Variants in NDRG4 observed in about 807,000 individuals in gnomAD.
NDRG4 encodes protein NDRG4.
NDRG4 carries 38 observed loss-of-function variants against 55.8 expected under a neutral mutation model. That is an observed-to-expected ratio of 0.68 (90% CI 0.53 to 0.89). NDRG4 has a LOEUF of 0.89. Ranked by LOEUF, NDRG4 falls within the 40% of genes least tolerant of loss-of-function variation. The pLI is 0.00. For synonymous variants in NDRG4, 190 were observed against 182.7 expected, an observed-to-expected ratio of 1.04 and a Z score of -0.32; for missense variants, 455 against 468.6, an observed-to-expected ratio of 0.97 and a Z score of 0.27.
At chr16:58,479,030 A>G (rs969484916) in intron 1 of NDRG4, among the ~76,000 whole-genome samples, 2 of 151,688 alleles carry the variant, frequency 1.3e-5, no homozygotes, top group African/African-American at 4.8e-5. Flanking sequence ...CATAAATGAG[A>G]TTATTATTAT....
chr16:58,494,827 G>A (rs774001749), intron 2 of NDRG4: 7 of 566,960 alleles, frequency 1.2e-5, no homozygotes, highest in Non-Finnish European at 2.0e-5. Context: ...GTGAGACCCT[G>A]TCTCTAAAAA....
chr16:58,469,326 GT>G (rs1351225644), intron 1 of NDRG4, among the ~76,000 whole-genome samples: 2 of 151,922 alleles, frequency 1.3e-5, no homozygotes, highest in Non-Finnish European at 2.9e-5. Flanking sequence ...GTAAGGAAGC[GT>G]GGTCCCTTGG....
At chr16:58,471,437 C>G (rs2032807387) in intron 1 of NDRG4, among the ~76,000 whole-genome samples, 1 of 152,008 alleles carries the variant, frequency 6.6e-6, no homozygotes, top group Non-Finnish European at 1.5e-5. Context: ...GCTGTGTGAC[C>G]TTGAACTGAG....
intron 1 of NDRG4, 173 bp from the exon 2 acceptor site, chr16:58,503,625 G>C: frequency 7.8e-7 from 1 of 1,286,786 alleles, no homozygotes; most frequent in Non-Finnish European, 1.1e-6. Flanking sequence ...CCTGAGAAGG[G>C]GTGTTCCATC....
chr16:58,514,896 A>T (rs988247620), downstream of NDRG4, among the ~76,000 whole-genome samples: 8 of 151,964 alleles, frequency 5.3e-5, no homozygotes, highest in Non-Finnish European at 1.2e-4. Context: ...TTTAACCACC[A>T]TTTGTTTTAT....
At chr16:58,507,914 C>T in intron 9 of NDRG4, 34 bp from the exon 10 acceptor site, 8 of 1,613,648 alleles carry the variant, frequency 5.0e-6, no homozygotes, top group Non-Finnish European at 6.8e-6. Context: ...CCCCCATGAC[C>T]CAGCCAGACA....
At chr16:58,487,651 AGT>A in intron 1 of NDRG4, 1 of 821,550 alleles carries the variant, frequency 1.2e-6, no homozygotes, top group Non-Finnish European at 1.8e-6. Flanking sequence ...CCAGGGGGAC[AGT>A]GCATCTGGTT....
At chr16:58,483,489 C>T (rs138822671) in intron 1 of NDRG4, among the ~76,000 whole-genome samples, 1 of 152,260 alleles carries the variant, frequency 6.6e-6, no homozygotes, top group African/African-American at 2.4e-5. Flanking sequence ...AGCCCATTTC[C>T]ACACTCCCCG....
At chr16:58,497,375 C>T (rs1335823682), upstream of NDRG4, among the ~76,000 whole-genome samples, 1 of 152,118 alleles carries the variant, frequency 6.6e-6, no homozygotes, top group East Asian at 1.9e-4. Context: ...GGGTAAAGCA[C>T]TCCAAGAAAG....
At chr16:58,503,194 T>A (rs767504642) in intron 1 of NDRG4, among the ~76,000 whole-genome samples, 3 of 151,612 alleles carry the variant, frequency 2.0e-5, no homozygotes, top group Non-Finnish European at 4.4e-5. Context: ...CTAGAGGGGA[T>A]GGGGAGGGGG....
At chr16:58,487,302 C>T (rs2035207486) in intron 1 of NDRG4, among the ~76,000 whole-genome samples, 1 of 152,192 alleles carries the variant, frequency 6.6e-6, no homozygotes, top group Middle Eastern at 3.2e-3. Flanking sequence ...GGGTGGATCA[C>T]TTGAGGTCAG....
At position 58,505,713 on chromosome 16, in the gene NDRG4, C is replaced by CTTT. The variant is rs1028370131; in HGVS notation, c.373-650_373-648dup. 3.6e-4 allele frequency among the ~76,000 whole-genome samples: 21 copies of CTTT among 58,658 alleles called. 1 individual carries two copies. The highest frequency in any genetic ancestry group is 1.0e-3 in the African/African-American group (13 of 13,054). The allele number at this position is 58,658 out of a possible 152,430, so 38.5% of individuals were successfully genotyped here. On this transcript the variant is annotated intron_variant, in intron 5 of 14. Transcript: ENST00000570248. Reference sequence around the variant, plus strand: ...ATTTATATCATGAGGGCTTCATTTTCTTTTTTTTTTTTTTTTTTTTTTTTT... The same window carrying CTTT: ...ATTTATATCATGAGGGCTTCATTTTCTTTTTTTTTTTTTTTTTTTTTTTTTTTT...
chr16:58,494,274 G>A (rs2036137682), intron 2 of NDRG4, among the ~76,000 whole-genome samples: 1 of 152,186 alleles, frequency 6.6e-6, no homozygotes, highest in Non-Finnish European at 1.5e-5. Context: ...CAGGTCTGGA[G>A]AGGTGGGAGC....
chr16:58,512,034 TTC>T lies in NDRG4; in HGVS notation c.*460_*461del, dbSNP rs2038863485. The T allele has an allele frequency of 4.4e-6, 2 of 458,456 alleles. No homozygotes were observed. The allele number at this position is 458,456 out of a possible 1,614,324, so 28.4% of individuals were successfully genotyped here. A position where few individuals can be genotyped will look rare whatever the true frequency, so the allele number is the denominator to read the frequency against. On this transcript the variant is annotated 3_prime_UTR_variant, in exon 15 of 15. Coordinates refer to ENST00000570248, the MANE Select transcript of NDRG4 (RefSeq NM_001242835.2). ...CCCACCCTCCACCAAGCACACCTGTTTCTGTCTCATAGCACATGTGACAATCA... is the reference window on the plus strand; with the variant it reads ...CCCACCCTCCACCAAGCACACCTGTTTGTCTCATAGCACATGTGACAATCA...
intron 1 of NDRG4, among the ~76,000 whole-genome samples, chr16:58,503,453 A>G (rs919084016): frequency 6.6e-6 from 1 of 152,106 alleles, no homozygotes; most frequent in Non-Finnish European, 1.5e-5. Context: ...TGGGCTGGGG[A>G]GGCAGAGCTG....
intron 5 of NDRG4, among the ~76,000 whole-genome samples, chr16:58,504,980 T>C (rs776402327): frequency 1.3e-5 from 2 of 152,196 alleles, no homozygotes; most frequent in Non-Finnish European, 2.9e-5. Context: ...CGTCCTTCAC[T>C]AATTGCCATG....
intron 1 of NDRG4, among the ~76,000 whole-genome samples, chr16:58,473,104 T>A (rs1018460312): frequency 6.6e-6 from 1 of 152,132 alleles, no homozygotes; most frequent in African/African-American, 2.4e-5. Context: ...CTAAAAACTG[T>A]ATTATGTATT....
At chr16:58,500,872 T>G in intron 1 of NDRG4, 1 of 602,362 alleles carries the variant, frequency 1.7e-6, no homozygotes, top group Non-Finnish European at 2.4e-6. Context: ...AGGGCTCTGC[T>G]GCGCCAGCCG....
At chr16:58,486,723 A>G (rs2035128665) in intron 1 of NDRG4, among the ~76,000 whole-genome samples, 3 of 149,578 alleles carry the variant, frequency 2.0e-5, no homozygotes, top group Admixed American at 1.3e-4. Context: ...ACACACACAC[A>G]CACACACACA....
Sources: allele counts gnomAD v4.1 joint callset (sites outside exome capture counted in the v4.1 genomes callset), GRCh38; gene constraint gnomAD v4.1.1; transcripts MANE v1.5; gene names NCBI Gene and HGNC (gene_info 2026-07-23, HGNC 2026-07-21).